DSTYK: variants seen among roughly 807,000 people sequenced by gnomAD.
DSTYK encodes the protein dual serine/threonine and tyrosine protein kinase, also known as RIP-homologous kinase.
DSTYK carries 34 observed loss-of-function variants against 98.7 expected under a neutral mutation model. The observed-to-expected ratio is 0.34, with a 90% CI of 0.26 to 0.46. DSTYK has a LOEUF of 0.46. DSTYK is among the 20% of genes least tolerant of loss of function. DSTYK has a pLI of 1.00. For missense variants in DSTYK, 962 were observed against 1,181.7 expected (o/e 0.81, Z 2.73); for synonymous variants, 462 against 457.3 (o/e 1.01, Z -0.13).
intron 9 of DSTYK, among the ~76,000 whole-genome samples, chr1:205,159,304 G>T (rs1040314564): frequency 3.3e-5 from 5 of 152,082 alleles, no homozygotes; most frequent in African/African-American, 1.2e-4. Context: ...GCCCAGACTC[G>T]TCTCAAACTC....
chr1:205,202,525 G>A (rs1330535750), intron 1 of DSTYK: 2 of 869,986 alleles, frequency 2.3e-6, no homozygotes, highest in Non-Finnish European at 3.9e-6. Context: ...AGATTCTCTG[G>A]TCGTTGGGCA....
chr1:205,173,527 T>C (rs1040538742), intron 2 of DSTYK: 4 of 151,942 alleles, frequency 2.6e-5, no homozygotes, highest in Non-Finnish European at 5.9e-5. Flanking sequence ...ACCAATCAAA[T>C]TTATGAAAGG....
chr1:205,198,783 TA>T (rs972475774), intron 1 of DSTYK, among the ~76,000 whole-genome samples: 1 of 149,254 alleles, frequency 6.7e-6, no homozygotes, highest in Non-Finnish European at 1.5e-5. Flanking sequence ...TAGAAAATAT[TA>T]AAAAAAAGAT....
rs773981977 is a variant in DSTYK, at chr1:205,168,462, T to C, written c.1324+701A>G. Among the ~76,000 whole-genome samples the C allele has an allele frequency of 7.6e-4, 116 of 152,334 alleles. No individual in the cohort carries two copies. In the Middle Eastern group the frequency reaches 0.01, roughly 13 times the overall value. ...TCAGAAATCGTGAGTAAGTCTGCAG[T>C]CATCTTTAGTGGTCTTGAGCATGTG... On this transcript the variant is annotated intron_variant, in intron 3 of 12. Coordinates refer to ENST00000367162, the MANE Select transcript of DSTYK (RefSeq NM_015375.3).
chr1:205,178,718 G>C (rs1384142117), intron 2 of DSTYK, among the ~76,000 whole-genome samples: 2 of 152,176 alleles, frequency 1.3e-5, no homozygotes, highest in East Asian at 3.8e-4. Context: ...GAGAGAGCAG[G>C]AAATCTTCTC....
intron 9 of DSTYK, 126 bp from the exon 10 acceptor site, chr1:205,157,512 T>C: frequency 1.4e-6 from 1 of 695,900 alleles, no homozygotes; most frequent in Non-Finnish European, 2.4e-6. Flanking sequence ...CAGTGGCTCA[T>C]GCCTGTAACC....
rs548522921 is a variant in DSTYK, at chr1:205,152,572, G to A, written c.2353-1778C>T. On this transcript the variant is annotated intron_variant, in intron 10 of 12. Coordinates refer to ENST00000367162, the MANE Select transcript of DSTYK (RefSeq NM_015375.3). ...ATGACTGTACTTCATAAATCCTGCC[G>A]CCAACCTTCCTGTCTCCAGGTTCAT... Among the ~76,000 whole-genome samples the A allele has an allele frequency of 5.9e-5, 9 of 152,186 alleles. No individual in the cohort carries two copies. In the South Asian group the frequency reaches 6.2e-4, roughly 11 times the overall value.
At chr1:205,191,940 T>G (rs1468200991) in intron 1 of DSTYK, among the ~76,000 whole-genome samples, 2 of 152,100 alleles carry the variant, frequency 1.3e-5, no homozygotes, top group Non-Finnish European at 1.5e-5. Context: ...ACATTAACCC[T>G]GCCAACTCTG....
At chr1:205,158,442 C>T (rs186402959) in intron 9 of DSTYK, among the ~76,000 whole-genome samples, 39 of 152,216 alleles carry the variant, frequency 2.6e-4, no homozygotes, top group African/African-American at 9.1e-4. Context: ...CTCTAATTCC[C>T]TCTTGGTGGT....
At chr1:205,208,977 C>T (rs1487028071) in intron 1 of DSTYK, among the ~76,000 whole-genome samples, 1 of 152,174 alleles carries the variant, frequency 6.6e-6, no homozygotes, top group Non-Finnish European at 1.5e-5. Flanking sequence ...AAATTGCTCC[C>T]ACTCCTGCCA....
intron 1 of DSTYK, among the ~76,000 whole-genome samples, chr1:205,210,648 T>C (rs1185286600): frequency 6.6e-6 from 1 of 152,204 alleles, no homozygotes; most frequent in Non-Finnish European, 1.5e-5. Context: ...CTTCCCTCTC[T>C]TCTTCACCTT....
rs1443295905 is a variant in DSTYK at position 205,187,629 on chromosome 1, C to T, written c.443G>A (p.Cys148Tyr). Residue 148 changes from cysteine (C) to tyrosine (Y), a missense_variant, in exon 2 of 13, where the codon TGT becomes TAT. By Grantham distance (194) the Cys-to-Tyr change is radical. Around this residue, in one of 4 missense-constraint regions of DSTYK, gnomAD observed 660 missense variants for 855.0 expected, o/e 0.77. Transcript: ENST00000367162. The part of the protein sequence containing the change: ...PTTKLGSEES[C>Y]KLRRLRFTYG... ...GGTGAAGCGGAGGCGCCGAAGCTTA[C>T]AGCTCTCCTCACTGCCCAGCTTGGT... The T allele has an allele frequency of 1.2e-6, 2 of 1,614,092 alleles. No homozygotes were observed. The highest frequency in any genetic ancestry group is 1.3e-5 in the African/African-American group (1 of 74,932).
At chr1:205,159,300 A>T (rs1657646554) in intron 9 of DSTYK, among the ~76,000 whole-genome samples, 2 of 151,788 alleles carry the variant, frequency 1.3e-5, no homozygotes, top group South Asian at 4.2e-4. Context: ...TATTGCCCAG[A>T]CTCGTCTCAA....
chr1:205,143,301 C>T lies in DSTYK; in HGVS notation c.*4257G>A, dbSNP rs1657128633. The T allele has an allele frequency of 6.6e-6, 1 of 152,032 alleles. No individual in the cohort carries two copies. The highest frequency in any genetic ancestry group is 2.4e-5 in the African/African-American group (1 of 41,398). The allele number at this position is 152,032 out of a possible 1,614,324, so 9.4% of individuals were successfully genotyped here. On this transcript the variant is annotated 3_prime_UTR_variant, in exon 13 of 13. Coordinates refer to ENST00000367162, the MANE Select transcript of DSTYK (RefSeq NM_015375.3). ...AGCTGGGACTATAGGTGCCCGCCACCATGCCTGGCTAATTTTTTCTATTTT... is the reference window on the plus strand; with the variant it reads ...AGCTGGGACTATAGGTGCCCGCCACTATGCCTGGCTAATTTTTTCTATTTT...
rs1424802830 is a variant in DSTYK, at chr1:205,209,883, T to TTTATTATTATTA, written c.265+1387_265+1388insTAATAATAATAA. On this transcript the variant is annotated intron_variant, in intron 1 of 12. Transcript: ENST00000367162. ...ACCTGCATCACCTTCCCCAGTGTCT[T>TTTATTATTATTA]TTATTATTACTATTATTATTATTAT... Among the ~76,000 whole-genome samples, 779 of 149,166 alleles carry TTTATTATTATTA rather than the reference T, an allele frequency of 5.2e-3. 5 individuals are homozygous for TTTATTATTATTA. Among genetic ancestry groups the TTTATTATTATTA allele is most frequent in the African/African-American group, 0.019 (744 of 39,976 alleles).
chr1:205,177,260 G>A (rs1365589978), intron 2 of DSTYK, among the ~76,000 whole-genome samples: 2 of 152,070 alleles, frequency 1.3e-5, no homozygotes, highest in African/African-American at 2.4e-5. Context: ...ATGTACGCAG[G>A]CTAAAGTTGG....
rs1657280040 is a variant in DSTYK at position 205,147,695 on chromosome 1, T to C, written c.2653A>G (p.Met885Val). Residue 885 changes from methionine to valine, a missense_variant, in exon 13 of 13, where the codon ATG becomes GTG. Coordinates refer to ENST00000367162, the MANE Select transcript of DSTYK (RefSeq NM_015375.3). ...GGGTCGCCATCCCAACAGGCTTCCA[T>C]CAACTGCCAGCACTCCTCATCAAAC... is the stretch of plus-strand genomic sequence containing the variant. ...PVFDEECWQLMEACWDGDPLK... is the reference protein window; with the variant it reads ...PVFDEECWQLVEACWDGDPLK... The C allele has an allele frequency of 6.2e-7, 1 of 1,613,854 alleles. No homozygotes were observed. The highest frequency in any genetic ancestry group is 1.3e-5 in the African/African-American group (1 of 74,848).
At chr1:205,207,719 G>GCACT (rs1659245428) in intron 1 of DSTYK, among the ~76,000 whole-genome samples, 1 of 107,192 alleles carries the variant, frequency 9.3e-6, no homozygotes, top group South Asian at 3.4e-4. Flanking sequence ...TCACGCCACT[G>GCACT]CACTCCAGCC....
chr1:205,207,080 CTT>C (rs34237326), intron 1 of DSTYK, among the ~76,000 whole-genome samples: 17 of 140,626 alleles, frequency 1.2e-4, no homozygotes, highest in East Asian at 2.2e-4. Flanking sequence ...ACTCCAGTAT[CTT>C]TTTTTTTTTT....
Sources: gnomAD v4.1 joint callset for allele counts (sites outside exome capture counted in the v4.1 genomes callset) on GRCh38, gnomAD v4.1.1 for gene constraint, gnomAD v4.1.1 regional missense constraint, MANE v1.5 for transcripts, NCBI Gene and HGNC (gene_info 2026-07-23, HGNC 2026-07-21) for gene names.